Variants in ZCCHC14 observed in about 807,000 individuals in gnomAD.
The protein encoded by ZCCHC14 is zinc finger CCHC domain-containing protein 14.
In ZCCHC14, 16 loss-of-function variants were observed where a neutral mutation model predicts 85.0. That is an observed-to-expected ratio of 0.19 (90% CI 0.13 to 0.29). The LOEUF (loss-of-function observed/expected upper bound fraction) is 0.29, where lower values mean the gene tolerates loss of function less well. Among genes scored for constraint, ZCCHC14 ranks in the 10% least tolerant of loss-of-function variants. The probability of loss-of-function intolerance (pLI) is 1.00; values close to 1 mark genes in which losing one functional copy is unlikely to be tolerated. For missense variants in ZCCHC14, 1,303 were observed against 1,443.5 expected, an observed-to-expected ratio of 0.90 and a Z score of 1.58; for synonymous variants, 775 against 630.7, an observed-to-expected ratio of 1.23 and a Z score of -3.43.
At position 87,425,760 on chromosome 16, in the gene ZCCHC14, TC is replaced by T. The variant is rs1909339165; in HGVS notation, c.769-1880del. 2.0e-5 allele frequency among the ~76,000 whole-genome samples: 3 copies of T among 152,080 alleles called. No homozygotes were observed. In the South Asian group the frequency reaches 6.2e-4, roughly 32 times the overall value. On this transcript the variant is annotated intron_variant, in intron 3 of 12. Coordinates refer to ENST00000671377, the MANE Select transcript of ZCCHC14 (RefSeq NM_015144.3). Reference sequence around the variant, plus strand: ...CAAACCCCTGCCGTGAAGATGGCTGTCCCCCGCGCTGCTGACAGCGTGTCTC... The same window carrying T: ...CAAACCCCTGCCGTGAAGATGGCTGTCCCCGCGCTGCTGACAGCGTGTCTC...
intron 1 of ZCCHC14, among the ~76,000 whole-genome samples, chr16:87,463,897 G>C (rs907864251): frequency 6.6e-6 from 1 of 152,140 alleles, no homozygotes; most frequent in East Asian, 1.9e-4. Flanking sequence ...ATAACTCACC[G>C]CAGCCTCGAC....
At chr16:87,418,750 G>T in intron 7 of ZCCHC14, 97 bp downstream of exon 7, 1 of 1,230,808 alleles carries the variant, frequency 8.1e-7, no homozygotes, top group Non-Finnish European at 1.2e-6. Flanking sequence ...CTCAACTTGA[G>T]CATGACTTAA....
chr16:87,460,255 T>G (rs1031204287), intron 1 of ZCCHC14, 124 bp from the exon 2 acceptor site: 1 of 1,283,512 alleles, frequency 7.8e-7, no homozygotes, highest in African/African-American at 1.5e-5. Context: ...CATGTATTAT[T>G]ATAATAATAA....
In ZCCHC14 at chr16:87,492,936, CG is replaced by C. The variant is rs947511886; in HGVS notation, c.-699del. ...GCGGCGGCGGCGACGGCGACGGCGA[CG>C]GCGACGGCGACGGCGGAGGAGGCGC... On this transcript the variant is annotated 5_prime_UTR_variant, in exon 1 of 13. Transcript: ENST00000671377. This position sits in a 1 kb window ranked among gnomAD's most constrained non-coding sequence, Gnocchi z 6.7. Among the ~76,000 whole-genome samples, 1 of 149,062 alleles carries C rather than the reference CG, an allele frequency of 6.7e-6. No homozygotes were observed. Among genetic ancestry groups the C allele is most frequent in the African/African-American group, 2.5e-5 (1 of 40,212 alleles).
At position 87,432,995 on chromosome 16, in the gene ZCCHC14, C is replaced by G. The variant is rs540911348; in HGVS notation, c.768+133G>C. The G allele has an allele frequency of 8.2e-5, 59 of 715,968 alleles. No homozygotes were observed. In the Middle Eastern group the frequency reaches 1.9e-3, roughly 23 times the overall value. 44.4% of individuals were successfully genotyped at this position (715,968 alleles called of 1,614,324 possible). On this transcript the variant is annotated intron_variant, in intron 3 of 12. Transcript: ENST00000671377. Reference sequence around the variant, plus strand: ...GAGACAGCCCACCCCGAGCTCAGGGCCAGCTTCCTATACAGCACTGGCACG... The same window carrying G: ...GAGACAGCCCACCCCGAGCTCAGGGGCAGCTTCCTATACAGCACTGGCACG...
intron 3 of ZCCHC14, among the ~76,000 whole-genome samples, chr16:87,428,962 G>C (rs982040393): frequency 3.9e-5 from 6 of 152,194 alleles, no homozygotes; most frequent in African/African-American, 1.4e-4. Context: ...CCTGTGAACG[G>C]GTGTCTTCGT....
intron 1 of ZCCHC14, among the ~76,000 whole-genome samples, chr16:87,484,725 G>A (rs916463879): frequency 6.6e-6 from 1 of 152,208 alleles, no homozygotes; most frequent in African/African-American, 2.4e-5. Context: ...AGAGGGGCTG[G>A]TAGAGACGAG....
chr16:87,414,678 C>T, intron 9 of ZCCHC14, 137 bp from the exon 10 acceptor site: 1 of 1,232,364 alleles, frequency 8.1e-7, no homozygotes, highest in Non-Finnish European at 1.1e-6. Context: ...TACTCCACAC[C>T]ACAGGGAAAT....
At position 87,413,189 on chromosome 16, in the gene ZCCHC14, C is replaced by T. The variant is rs372489832; in HGVS notation, c.1610G>A (p.Arg537Gln). 16 of 1,563,350 alleles carry T rather than the reference C, an allele frequency of 1.0e-5. No homozygotes were observed. The highest frequency in any genetic ancestry group is 1.9e-5 in the Admixed American group (1 of 52,546). Residue 537 changes from arginine (R) to glutamine (Q), a missense_variant, in exon 11 of 13, where the codon CGG becomes CAG. Transcript: ENST00000671377. ...SGRGSHAAEL[R>Q]VEVEQPHHQL... ...GTGATGGGGCTGCTCCACTTCCACC[C>T]GCAGCTCTGCAGAAAAGGGACAGAG...
chr16:87,459,522 T>TC (rs540534351), intron 2 of ZCCHC14, among the ~76,000 whole-genome samples: 101 of 151,612 alleles, frequency 6.7e-4, no homozygotes, highest in Non-Finnish European at 1.1e-3. Flanking sequence ...TTTTTTTTTT[T>TC]TTTTCAGACG....
At chr16:87,425,906 C>T (rs774620158) in intron 3 of ZCCHC14, among the ~76,000 whole-genome samples, 2 of 152,196 alleles carry the variant, frequency 1.3e-5, no homozygotes, top group Admixed American at 6.5e-5. Context: ...ACCACCCCAG[C>T]GATTAAACAT....
chr16:87,412,800 T>C lies in ZCCHC14; in HGVS notation c.1921A>G (p.Ile641Val). 1 of 1,612,820 alleles carries C rather than the reference T, an allele frequency of 6.2e-7. No individual in the cohort carries two copies. The highest frequency in any genetic ancestry group is 8.5e-7 in the Non-Finnish European group (1 of 1,179,222). Residue 641 changes from isoleucine (I) to valine (V), a missense_variant, in exon 12 of 13, where the codon ATC becomes GTC. By Grantham distance (29) the Ile-to-Val change is conservative. Transcript: ENST00000671377. ...GAATTCAGCATGCGGATGGGTGTGA[T>C]GTGTGAGGCTGCGCTCAGCATCTGC... is the stretch of plus-strand genomic sequence containing the variant. ...PPQMLSAASH[I>V]TPIRMLNSVH...
At chr16:87,484,981 A>C (rs1237733310) in intron 1 of ZCCHC14, among the ~76,000 whole-genome samples, 1 of 152,202 alleles carries the variant, frequency 6.6e-6, no homozygotes. Context: ...CCAGCCTTAC[A>C]CAGAAAGGAA....
At chr16:87,483,989 G>A (rs1441413670) in intron 1 of ZCCHC14, among the ~76,000 whole-genome samples, 1 of 152,254 alleles carries the variant, frequency 6.6e-6, no homozygotes, top group Non-Finnish European at 1.5e-5. Flanking sequence ...CACTGAACAA[G>A]CTCTTTATGG....
intron 2 of ZCCHC14, among the ~76,000 whole-genome samples, chr16:87,452,683 A>C (rs1194759778): frequency 6.6e-6 from 1 of 152,188 alleles, no homozygotes; most frequent in Non-Finnish European, 1.5e-5. Context: ...GAAGCAGCCA[A>C]GGGAGGATGG....
At chr16:87,454,499 C>T (rs1910856100) in intron 2 of ZCCHC14, among the ~76,000 whole-genome samples, 1 of 152,100 alleles carries the variant, frequency 6.6e-6, no homozygotes, top group Admixed American at 6.6e-5. Flanking sequence ...AAAGTTAAAA[C>T]AAAAACTCTC....
intron 2 of ZCCHC14, among the ~76,000 whole-genome samples, chr16:87,458,337 C>T (rs532148795): frequency 9.9e-5 from 15 of 152,258 alleles, no homozygotes; most frequent in Admixed American, 5.9e-4. Context: ...GCCAAGTGTC[C>T]GCTCTGGGGT....
chr16:87,415,294 G>C lies in ZCCHC14; in HGVS notation c.1457C>G (p.Thr486Ser). 6.2e-7 allele frequency: 1 copy of C among 1,613,930 alleles called. No individual in the cohort carries two copies. The highest frequency in any genetic ancestry group is 8.5e-7 in the Non-Finnish European group (1 of 1,179,954). The change falls in exon 9 of 13, where the codon ACC becomes AGC. Residue 486 changes from threonine to serine, a missense_variant. Coordinates refer to ENST00000671377, the MANE Select transcript of ZCCHC14 (RefSeq NM_015144.3). ...CACTCACTTTTCCAGCTCCAGCTGG[G>C]TCTTGAGCTTCTTCTTTGCCCCCAT... ...LTMGAKKKLK[T>S]QLELEKEKSE...
At position 87,412,025 on chromosome 16, in the gene ZCCHC14, T is replaced by C. The variant is rs1454565826; in HGVS notation, c.2696A>G (p.Asn899Ser). The change falls in exon 12 of 13, where the codon AAC becomes AGC. Residue 899 changes from asparagine (N) to serine (S), a missense_variant. Physicochemically the swap from Asn to Ser is conservative, Grantham distance 46 (BLOSUM62 1). Around this residue, in one of 7 missense-constraint regions of ZCCHC14, gnomAD observed 797 missense variants for 730.8 expected, o/e 1.09. Transcript: ENST00000671377. ...CTGATGGTGGTGGTGGTGGTGGTGG[T>C]TCGGATTCGAGGCAGGAATGTTTCC... Reference protein sequence around the residue: ...STGNIPASNPNHHHHHHHQQP... With the variant: ...STGNIPASNPSHHHHHHHQQP... The C allele has an allele frequency of 1.2e-6, 2 of 1,608,926 alleles. No individual in the cohort carries two copies. Among genetic ancestry groups the C allele is most frequent in the Non-Finnish European group, 1.7e-6 (2 of 1,179,810 alleles).
Sources: allele counts gnomAD v4.1 joint callset (sites outside exome capture counted in the v4.1 genomes callset), GRCh38; gene constraint gnomAD v4.1.1; regional missense constraint gnomAD v4.1.1; non-coding constraint Gnocchi (gnomAD v3.1); transcripts MANE v1.5; gene names NCBI Gene and HGNC (gene_info 2026-07-23, HGNC 2026-07-21).